SCIN: variants seen among roughly 807,000 people sequenced by gnomAD.
The protein encoded by SCIN is adseverin.
SCIN carries 91 observed loss-of-function variants against 91.8 expected under a neutral mutation model. The ratio of observed to expected loss-of-function variants is 0.99; its 90% CI spans 0.84 to 1.18. The LOEUF is 1.18. Among genes scored for constraint, SCIN ranks in the 50% most tolerant of loss-of-function variants. The pLI is 0.00. For synonymous variants in SCIN, 367 were observed against 312.6 expected (o/e 1.17, Z -1.84); for missense variants, 1,087 against 863.9 (o/e 1.26, Z -3.24).
chr7:12,618,108 C>A (rs1189758472), intron 4 of SCIN, among the ~76,000 whole-genome samples: 2 of 152,230 alleles, frequency 1.3e-5, no homozygotes, highest in East Asian at 3.9e-4. Flanking sequence ...CCACAGCATT[C>A]CCTGAGGCCT....
chr7:12,604,490 A>G (rs1429813952), intron 3 of SCIN, 24 bp from the exon 4 acceptor site: 3 of 1,549,734 alleles, frequency 1.9e-6, no homozygotes, highest in Admixed American at 3.9e-5. Context: ...TCTTAGGGTC[A>G]ACAGATCTGT....
At chr7:12,596,280 C>T (rs914636242) in intron 3 of SCIN, 18 of 444,546 alleles carry the variant, frequency 4.0e-5, no homozygotes, top group Non-Finnish European at 6.8e-5. Flanking sequence ...TGGCGTGTCC[C>T]CAGAAGGTCA....
At position 12,581,235 on chromosome 7, in the gene SCIN, A is replaced by G. The variant is rs879152133; in HGVS notation, c.516+14A>G. ...GACCTTGGCACCGTAAGTTTCATAT[A>G]TACACATCGATGTCTAAAGAAAAGT... On this transcript the variant is annotated intron_variant, in intron 3 of 15. Transcript: ENST00000297029. 2 of 1,548,718 alleles carry G rather than the reference A, an allele frequency of 1.3e-6. No homozygotes were observed. The highest frequency in any genetic ancestry group is 1.4e-5 in the African/African-American group (1 of 73,026).
chr7:12,629,119 A>T lies in SCIN; in HGVS notation c.1216A>T (p.Asn406Tyr), dbSNP rs1406350780. 1.9e-6 allele frequency: 3 copies of T among 1,612,656 alleles called. No homozygotes were observed. Residue 406 changes from asparagine (N) to tyrosine (Y), a missense_variant, in exon 9 of 16, where the codon AAT becomes TAT. Asn to Tyr is a moderately radical substitution (Grantham distance 143). Transcript: ENST00000297029. ...CTTCCAGATTTGGCGTGTAGAAAACAATGGTAGGATCCAAGTTGACCAAAA... is the reference window on the plus strand; with the variant it reads ...CTTCCAGATTTGGCGTGTAGAAAACTATGGTAGGATCCAAGTTGACCAAAA... ...GKVEIWRVEN[N>Y]GRIQVDQNSY...
At chr7:12,642,359 T>C (rs1186734914) in intron 11 of SCIN, among the ~76,000 whole-genome samples, 1 of 152,132 alleles carries the variant, frequency 6.6e-6, no homozygotes, top group Non-Finnish European at 1.5e-5. Flanking sequence ...CAATTTATTT[T>C]TCTATCTGGA....
rs1056985485 is a variant in SCIN, at chr7:12,578,272, A to T, written c.354+54A>T. 1.3e-5 allele frequency: 19 copies of T among 1,448,462 alleles called. No homozygotes were observed. In the African/African-American group the frequency reaches 2.7e-4, roughly 21 times the overall value. 89.7% of individuals were successfully genotyped at this position (1,448,462 alleles called of 1,614,324 possible). A position where few individuals can be genotyped will look rare whatever the true frequency, so the allele number is the denominator to read the frequency against. On this transcript the variant is annotated intron_variant, in intron 2 of 15. Transcript: ENST00000297029. The stretch of plus-strand genomic sequence containing the variant: ...AATCCCTTTCTCCTCTTGTCCATCC[A>T]TACCTCCTGTCTTCATAGAATGACA...
intron 11 of SCIN, among the ~76,000 whole-genome samples, chr7:12,642,445 T>G (rs968560543): frequency 3.3e-5 from 5 of 152,048 alleles, no homozygotes; most frequent in Non-Finnish European, 7.4e-5. Context: ...GTCTTGACCT[T>G]GACCATGACC....
At chr7:12,645,828 A>G (rs763247489) in intron 13 of SCIN, among the ~76,000 whole-genome samples, 2 of 152,222 alleles carry the variant, frequency 1.3e-5, no homozygotes, top group Non-Finnish European at 2.9e-5. Context: ...GATGTCCTAT[A>G]TAGATTAAGC....
chr7:12,652,966 G>C lies in SCIN; in HGVS notation c.*251G>C. On this transcript the variant is annotated 3_prime_UTR_variant, in exon 16 of 16. Coordinates refer to ENST00000297029, the MANE Select transcript of SCIN (RefSeq NM_001112706.3). ...AAAAATACAAAAAAATTAGCTGCGC[G>C]TGGTGGTGCACGCCTGTAGTCCCTG... The C allele has an allele frequency of 2.8e-6, 1 of 351,104 alleles. No homozygotes were observed. The highest frequency in any genetic ancestry group is 2.8e-5 in the South Asian group (1 of 35,994). 21.7% of individuals were successfully genotyped at this position (351,104 alleles called of 1,614,324 possible). A position where few individuals can be genotyped will look rare whatever the true frequency, so the allele number is the denominator to read the frequency against.
At chr7:12,635,437 C>G (rs1034744510) in intron 9 of SCIN, among the ~76,000 whole-genome samples, 2 of 150,488 alleles carry the variant, frequency 1.3e-5, no homozygotes, top group Non-Finnish European at 3.0e-5. Flanking sequence ...TAGTGACACC[C>G]CCATCTCTAC....
At chr7:12,649,114 T>TAATTA (rs1784027574) in intron 13 of SCIN, among the ~76,000 whole-genome samples, 4 of 152,136 alleles carry the variant, frequency 2.6e-5, no homozygotes, top group African/African-American at 9.7e-5. Context: ...CCTAATTATT[T>TAATTA]GCAGAAAAAA....
At chr7:12,605,203 C>G (rs1368693314) in intron 4 of SCIN, among the ~76,000 whole-genome samples, 1 of 152,148 alleles carries the variant, frequency 6.6e-6, no homozygotes, top group Admixed American at 6.6e-5. Flanking sequence ...AGGCGCCCAC[C>G]ACCATACCTG....
In SCIN at chr7:12,653,650, T is replaced by C. The variant is rs1784124979; in HGVS notation, c.*935T>C. ...TTGTATTGTTATCCACTTAGATACA[T>C]GTACATGTACAGTACATGTTTAATA... On this transcript the variant is annotated 3_prime_UTR_variant, in exon 16 of 16. Transcript: ENST00000297029. This position sits in a 1 kb window ranked among gnomAD's most constrained non-coding sequence, Gnocchi z 4.1. 1 of 152,184 alleles carries C rather than the reference T, an allele frequency of 6.6e-6. No individual in the cohort carries two copies. The highest frequency in any genetic ancestry group is 2.1e-4 in the South Asian group (1 of 4,830). The allele number at this position is 152,184 out of a possible 1,614,324, so 9.4% of individuals were successfully genotyped here.
In SCIN at chr7:12,578,131, G is replaced by A; in HGVS notation, c.267G>A (p.Leu89=). 1 of 1,551,276 alleles carries A rather than the reference G, an allele frequency of 6.4e-7. No individual in the cohort carries two copies. Among genetic ancestry groups the A allele is most frequent in the Non-Finnish European group, 8.7e-7 (1 of 1,146,690 alleles). ...TCACTGTTCAGATGGATGACTATTT[G>A]GGTGGCAAGCCAGTGCAGAATAGAG... is the stretch of plus-strand genomic sequence containing the variant. ...AIFTVQMDDY[L]GGKPVQNREL... The change falls in exon 2 of 16, where the codon TTG becomes TTA. Residue 89 remains leucine (L), a synonymous_variant. Coordinates refer to ENST00000297029, the MANE Select transcript of SCIN (RefSeq NM_001112706.3).
intron 3 of SCIN, among the ~76,000 whole-genome samples, chr7:12,584,509 A>C (rs1211662427): frequency 6.6e-6 from 1 of 152,218 alleles, no homozygotes; most frequent in Admixed American, 6.5e-5. Flanking sequence ...AAATTATAGT[A>C]AATATTCCCG....
intron 3 of SCIN, among the ~76,000 whole-genome samples, chr7:12,591,014 C>G (rs1374357659): frequency 6.6e-6 from 1 of 152,080 alleles, no homozygotes; most frequent in African/African-American, 2.4e-5. Flanking sequence ...AGGGAAACAA[C>G]TGCATATCCA....
chr7:12,621,398 G>A (rs189848353), intron 4 of SCIN, among the ~76,000 whole-genome samples: 126 of 152,202 alleles, frequency 8.3e-4, no homozygotes, highest in South Asian at 1.4e-3. Context: ...GCTAATATGG[G>A]AATTGTGGTC....
chr7:12,622,475 C>G (rs1229382900), intron 4 of SCIN, among the ~76,000 whole-genome samples: 2 of 152,096 alleles, frequency 1.3e-5, no homozygotes, highest in Admixed American at 1.3e-4. Flanking sequence ...TGCTGCAGAG[C>G]TGAACATAGA....
At chr7:12,600,048 G>T (rs780109013) in intron 3 of SCIN, among the ~76,000 whole-genome samples, 1 of 152,046 alleles carries the variant, frequency 6.6e-6, no homozygotes, top group Admixed American at 6.6e-5. Flanking sequence ...TGTTTTTGTT[G>T]CATTTGCTTT....
Sources: gnomAD v4.1 joint callset for allele counts (sites outside exome capture counted in the v4.1 genomes callset) on GRCh38, gnomAD v4.1.1 for gene constraint, Gnocchi (gnomAD v3.1) non-coding constraint, MANE v1.5 for transcripts, NCBI Gene and HGNC (gene_info 2026-07-23, HGNC 2026-07-21) for gene names.